Variants in PCSK5 observed in about 807,000 individuals in gnomAD.
The protein encoded by PCSK5 is prohormone convertase 5.
PCSK5 carries 129 observed loss-of-function variants against 233.2 expected under a neutral mutation model. The ratio of observed to expected loss-of-function variants is 0.55; its 90% CI spans 0.48 to 0.64. The LOEUF (loss-of-function observed/expected upper bound fraction) is 0.64. PCSK5 is among the 30% of genes least tolerant of loss of function. The probability of loss-of-function intolerance (pLI) is 0.00; values close to 1 mark genes in which losing one functional copy is unlikely to be tolerated. For synonymous variants in PCSK5, 825 were observed against 879.2 expected (o/e 0.94, Z 1.09); for missense variants, 2,076 against 2,430.1 (o/e 0.85, Z 3.06).
chr9:76,094,889 C>T (rs1831444696), intron 7 of PCSK5, among the ~76,000 whole-genome samples: 1 of 152,190 alleles, frequency 6.6e-6, no homozygotes, highest in Non-Finnish European at 1.5e-5. Flanking sequence ...GGATTACAAG[C>T]ATGAGCCACT....
intron 8 of PCSK5, among the ~76,000 whole-genome samples, chr9:76,100,925 C>T (rs1284660547): frequency 1.3e-5 from 2 of 152,074 alleles, no homozygotes; most frequent in Non-Finnish European, 2.9e-5. Context: ...GTGCAAAGTC[C>T]CGTCTGTTAG....
intron 35 of PCSK5, among the ~76,000 whole-genome samples, chr9:76,340,655 A>AAAC (rs1564190753): frequency 2.6e-5 from 4 of 151,210 alleles, no homozygotes; most frequent in Non-Finnish European, 2.9e-5. Flanking sequence ...AAAAAAAAAA[A>AAAC]AAAACTTCAA....
At chr9:76,290,155 G>A (rs1256885958) in intron 24 of PCSK5, among the ~76,000 whole-genome samples, 1 of 152,204 alleles carries the variant, frequency 6.6e-6, no homozygotes, top group Non-Finnish European at 1.5e-5. Flanking sequence ...AGTGGTTGGA[G>A]GTTATTTAGA....
At chr9:76,138,576 G>A (rs887015355) in intron 10 of PCSK5, among the ~76,000 whole-genome samples, 11 of 152,014 alleles carry the variant, frequency 7.2e-5, no homozygotes, top group Non-Finnish European at 1.5e-4. Context: ...CAGTGCCTGG[G>A]CTGTGCAGGC....
intron 3 of PCSK5, among the ~76,000 whole-genome samples, chr9:76,007,305 A>T (rs1827519286): frequency 6.6e-6 from 1 of 152,116 alleles, no homozygotes; most frequent in African/African-American, 2.4e-5. Flanking sequence ...TGCTGTTGCA[A>T]ATTTTTTAGT....
intron 1 of PCSK5, among the ~76,000 whole-genome samples, chr9:75,907,204 G>A (rs1216395494): frequency 2.0e-5 from 3 of 149,292 alleles, no homozygotes; most frequent in Admixed American, 6.6e-5. Context: ...TTTTTTTTTC[G>A]GTCTACAGGG....
At chr9:75,950,884 CACAA>C (rs1456209768) in intron 2 of PCSK5, among the ~76,000 whole-genome samples, 1 of 152,220 alleles carries the variant, frequency 6.6e-6, no homozygotes, top group Non-Finnish European at 1.5e-5. Context: ...AATTAAAAGA[CACAA>C]ACAAGGGCCT....
chr9:75,966,239 A>T (rs1194960579), intron 2 of PCSK5, among the ~76,000 whole-genome samples: 4 of 152,198 alleles, frequency 2.6e-5, no homozygotes, highest in Non-Finnish European at 4.4e-5. Context: ...AAAAAGGAAC[A>T]ATCTCTTCAG....
chr9:76,338,109 G>A (rs1829729133), intron 34 of PCSK5, 121 bp from the exon 35 acceptor site: 1 of 664,576 alleles, frequency 1.5e-6, no homozygotes, highest in African/African-American at 1.8e-5. Flanking sequence ...AATCTAATGA[G>A]TAAGGTAAAG....
intron 30 of PCSK5, among the ~76,000 whole-genome samples, chr9:76,319,219 C>T (rs1829117896): frequency 6.6e-6 from 1 of 152,026 alleles, no homozygotes; most frequent in South Asian, 2.1e-4. Context: ...AATCCCAGCA[C>T]TTTAGGAGGC....
intron 20 of PCSK5, among the ~76,000 whole-genome samples, chr9:76,197,535 A>T (rs983875606): frequency 6.6e-6 from 1 of 152,210 alleles, no homozygotes; most frequent in African/African-American, 2.4e-5. Context: ...TATCCCCCTC[A>T]TGTAAAAAGA....
At chr9:75,965,391 C>T (rs942048165) in intron 2 of PCSK5, among the ~76,000 whole-genome samples, 1 of 152,100 alleles carries the variant, frequency 6.6e-6, no homozygotes, top group African/African-American at 2.4e-5. Context: ...AAGCCAGAGA[C>T]CCAGGAAAGC....
intron 1 of PCSK5, among the ~76,000 whole-genome samples, chr9:75,920,488 A>G (rs1203464216): frequency 6.6e-6 from 1 of 152,168 alleles, no homozygotes; most frequent in Non-Finnish European, 1.5e-5. Flanking sequence ...TCCTTTAAGA[A>G]TAAAATGGGT....
chr9:75,998,769 A>G lies in PCSK5; in HGVS notation c.411+12524A>G, dbSNP rs541775600. Among the ~76,000 whole-genome samples the G allele has an allele frequency of 2.6e-5, 4 of 152,098 alleles. No homozygotes were observed. The South Asian group carries it at 8.3e-4, about 32-fold the overall frequency. On this transcript the variant is annotated intron_variant, in intron 3 of 37. Transcript: ENST00000674117. The stretch of plus-strand genomic sequence containing the variant: ...CCATTACCAACTTCAATAATTACCA[A>G]CTCAAGGCCAGTATTCTTTCATTTA...
At chr9:76,144,213 A>C (rs1437749983) in intron 10 of PCSK5, among the ~76,000 whole-genome samples, 1 of 150,990 alleles carries the variant, frequency 6.6e-6, no homozygotes, top group Non-Finnish European at 1.5e-5. Context: ...AACCCACCGG[A>C]GGTTACAATG....
intron 24 of PCSK5, among the ~76,000 whole-genome samples, chr9:76,282,681 G>T (rs1827920919): frequency 6.6e-6 from 1 of 151,976 alleles, no homozygotes; most frequent in Non-Finnish European, 1.5e-5. Flanking sequence ...TTATTACATG[G>T]GTATGCTGTG....
At chr9:76,172,669 A>G (rs939211208) in intron 13 of PCSK5, among the ~76,000 whole-genome samples, 10 of 152,294 alleles carry the variant, frequency 6.6e-5, no homozygotes, top group African/African-American at 2.4e-4. Context: ...TCCTTGTATT[A>G]TATGCTTCAT....
At chr9:76,151,017 A>T (rs1396910661) in intron 10 of PCSK5, among the ~76,000 whole-genome samples, 1 of 151,832 alleles carries the variant, frequency 6.6e-6, no homozygotes, top group Non-Finnish European at 1.5e-5. Flanking sequence ...TTAAAAAAAA[A>T]AAAAAACTAT....
intron 20 of PCSK5, among the ~76,000 whole-genome samples, chr9:76,193,016 A>G (rs1338335789): frequency 6.7e-6 from 1 of 150,072 alleles, no homozygotes; most frequent in Admixed American, 6.6e-5. Context: ...TACCAATTAC[A>G]TTTACCATTG....
Sources: allele counts gnomAD v4.1 joint callset (sites outside exome capture counted in the v4.1 genomes callset), GRCh38; gene constraint gnomAD v4.1.1; transcripts MANE v1.5; gene names NCBI Gene and HGNC (gene_info 2026-07-23, HGNC 2026-07-21).